MED12L: variants seen among roughly 807,000 people sequenced by gnomAD.
MED12L encodes the protein mediator of RNA polymerase II transcription subunit 12-like protein.
Under a neutral mutation model 281.3 loss-of-function variants are expected in MED12L, and 60 were observed. That is an observed-to-expected ratio of 0.21 (90% CI 0.17 to 0.26). MED12L has a LOEUF of 0.26. MED12L is among the 10% of genes least tolerant of loss of function. The pLI is 1.00. For synonymous variants in MED12L, 974 were observed against 987.2 expected, an observed-to-expected ratio of 0.99 and a Z score of 0.25; for missense variants, 2,146 against 2,680.9, an observed-to-expected ratio of 0.80 and a Z score of 4.41.
At chr3:151,133,417 T>A (rs1715690727) in intron 5 of MED12L, among the ~76,000 whole-genome samples, 1 of 152,176 alleles carries the variant, frequency 6.6e-6, no homozygotes, top group Non-Finnish European at 1.5e-5. Context: ...CAGTACACTG[T>A]ATACACAAAA....
chr3:151,358,319 C>G (rs1435236443), intron 20 of MED12L, among the ~76,000 whole-genome samples: 2 of 151,972 alleles, frequency 1.3e-5, no homozygotes, highest in African/African-American at 4.8e-5. Context: ...TTTAATAACT[C>G]AGCTACTGTA....
chr3:151,214,334 C>T (rs772689094), intron 16 of MED12L: 1 of 1,604,480 alleles, frequency 6.2e-7, no homozygotes, highest in Non-Finnish European at 8.5e-7. Context: ...CTTCTGAAGG[C>T]AGAGGCCTGA....
chr3:151,110,841 A>T (rs754314595), intron 2 of MED12L, among the ~76,000 whole-genome samples: 5 of 152,070 alleles, frequency 3.3e-5, no homozygotes, highest in Non-Finnish European at 7.4e-5. Context: ...TTCTGAATGG[A>T]CTTTTCCTCT....
intron 40 of MED12L, among the ~76,000 whole-genome samples, chr3:151,410,194 C>T (rs1224064672): frequency 6.6e-6 from 1 of 152,220 alleles, no homozygotes; most frequent in Admixed American, 6.5e-5. Context: ...ATGGAACTAA[C>T]ATAGTGCCTG....
chr3:151,096,931 G>A (rs1720797440), intron 2 of MED12L, among the ~76,000 whole-genome samples: 1 of 152,184 alleles, frequency 6.6e-6, no homozygotes, highest in African/African-American at 2.4e-5. Flanking sequence ...TTTGAGAGCT[G>A]GTAACTCTTC....
At chr3:151,089,469 T>C (rs1437851420) in intron 2 of MED12L, among the ~76,000 whole-genome samples, 1 of 151,400 alleles carries the variant, frequency 6.6e-6, no homozygotes, top group Non-Finnish European at 1.5e-5. Context: ...TTGCATAGCC[T>C]CTCATTTGTA....
chr3:151,375,868 T>G (rs533498504), intron 27 of MED12L, among the ~76,000 whole-genome samples, 158 bp from the exon 28 acceptor site: 220 of 152,204 alleles, frequency 1.4e-3, no homozygotes, highest in African/African-American at 4.8e-3. Flanking sequence ...AAAAATTTTG[T>G]TTTTTAAAAT....
intron 16 of MED12L, among the ~76,000 whole-genome samples, chr3:151,259,967 A>C (rs1306068176): frequency 6.6e-6 from 1 of 152,118 alleles, no homozygotes. Context: ...TGTGGTAAAT[A>C]TTTTCTTCAT....
chr3:151,344,333 C>G (rs183088984), intron 16 of MED12L, among the ~76,000 whole-genome samples: 49 of 151,746 alleles, frequency 3.2e-4, no homozygotes, highest in Non-Finnish European at 6.5e-4. Flanking sequence ...TTTCTTCATT[C>G]CTGTAACAGT....
chr3:151,123,032 A>G (rs1713993791), intron 4 of MED12L, 58 bp downstream of exon 4: 1 of 1,350,630 alleles, frequency 7.4e-7, no homozygotes, highest in Non-Finnish European at 1.0e-6. Context: ...TGTTTGGGAT[A>G]ATATTCAAGT....
At chr3:151,149,009 G>A (rs1718109228) in intron 5 of MED12L, among the ~76,000 whole-genome samples, 1 of 152,170 alleles carries the variant, frequency 6.6e-6, no homozygotes, top group Non-Finnish European at 1.5e-5. Flanking sequence ...TAGGTGTGCA[G>A]TGGTGAGTTT....
intron 11 of MED12L, among the ~76,000 whole-genome samples, chr3:151,175,457 G>T (rs1179957763): frequency 1.3e-5 from 2 of 152,152 alleles, no homozygotes; most frequent in Non-Finnish European, 2.9e-5. Context: ...AGCTGTTGCT[G>T]ATAGTAATAA....
At chr3:151,286,452 C>T (rs544111154) in intron 16 of MED12L, among the ~76,000 whole-genome samples, 1 of 152,278 alleles carries the variant, frequency 6.6e-6, no homozygotes, top group South Asian at 2.1e-4. Flanking sequence ...AAGCAAAAAA[C>T]TTCAAGCAAT....
At chr3:151,317,494 G>A (rs1748436648) in intron 16 of MED12L, among the ~76,000 whole-genome samples, 1 of 109,832 alleles carries the variant, frequency 9.1e-6, no homozygotes, top group Admixed American at 1.4e-4. Flanking sequence ...ACTGTTGCCC[G>A]GGCTGGTATG....
intron 2 of MED12L, among the ~76,000 whole-genome samples, chr3:151,107,092 CTTT>C (rs5853505): frequency 2.9e-5 from 4 of 138,686 alleles, no homozygotes; most frequent in Admixed American, 7.0e-5. Flanking sequence ...GTGTCCCCAG[CTTT>C]TTTTTTTTTT....
chr3:151,267,518 A>G (rs1740059924), intron 16 of MED12L, among the ~76,000 whole-genome samples: 1 of 152,200 alleles, frequency 6.6e-6, no homozygotes, highest in Admixed American at 6.5e-5. Context: ...AAAACAGAAA[A>G]GTGCAAGCTA....
chr3:151,172,957 A>T (rs894026656), intron 11 of MED12L, among the ~76,000 whole-genome samples: 3 of 152,202 alleles, frequency 2.0e-5, no homozygotes, highest in Non-Finnish European at 4.4e-5. Flanking sequence ...CTAGTAACAT[A>T]GTTGGGAAAA....
At chr3:151,199,490 T>A in intron 16 of MED12L, 1 of 1,020,480 alleles carries the variant, frequency 9.8e-7, no homozygotes. Context: ...TAGCAACTAT[T>A]TTCTTTAAAA....
intron 39 of MED12L, among the ~76,000 whole-genome samples, chr3:151,398,426 A>G (rs773314771): frequency 2.6e-5 from 4 of 152,296 alleles, no homozygotes; most frequent in Non-Finnish European, 5.9e-5. Context: ...ATAACCCTCT[A>G]GTTCCACTGC....
Sources: allele counts gnomAD v4.1 joint callset (sites outside exome capture counted in the v4.1 genomes callset), GRCh38; gene constraint gnomAD v4.1.1; transcripts MANE v1.5; gene names NCBI Gene and HGNC (gene_info 2026-07-23, HGNC 2026-07-21).